Variants in SIN3A observed in about 807,000 individuals in gnomAD.
SIN3A encodes the protein SIN3 transcription regulator family member A.
SIN3A carries 14 observed loss-of-function variants against 146.1 expected under a neutral mutation model. That is an observed-to-expected ratio of 0.10 (90% confidence interval 0.06 to 0.15). SIN3A has a LOEUF of 0.15. SIN3A is among the 10% of genes least tolerant of loss of function. The pLI, the probability that SIN3A is intolerant of heterozygous loss-of-function variation, is 1.00. For synonymous variants in SIN3A, 572 were observed against 572.0 expected (o/e 1.00, Z 0.00); for missense variants, 1,028 against 1,576.0 (o/e 0.65, Z 5.89).
At chr15:75,394,469 T>G (rs2073266800) in intron 14 of SIN3A, among the ~76,000 whole-genome samples, 1 of 152,126 alleles carries the variant, frequency 6.6e-6, no homozygotes, top group Non-Finnish European at 1.5e-5. Context: ...GACAGTAAAC[T>G]AGGAAACTAG....
chr15:75,435,398 A>C (rs936211237), intron 1 of SIN3A, among the ~76,000 whole-genome samples: 5 of 152,218 alleles, frequency 3.3e-5, no homozygotes, highest in Non-Finnish European at 5.9e-5. Context: ...AGACATATTA[A>C]GTGAAAACAG....
intron 3 of SIN3A, among the ~76,000 whole-genome samples, chr15:75,418,923 T>C (rs1015893372): frequency 1.1e-4 from 16 of 151,970 alleles, no homozygotes; most frequent in African/African-American, 3.9e-4. Flanking sequence ...GCCGGCTAAT[T>C]TTTTTTTCTA....
chr15:75,435,962 CA>C (rs2074100737), intron 1 of SIN3A, among the ~76,000 whole-genome samples: 1 of 148,444 alleles, frequency 6.7e-6, no homozygotes, highest in African/African-American at 2.5e-5. Context: ...CCTGTCTCTA[CA>C]AAATAAAGAA....
chr15:75,430,429 A>T lies in SIN3A; in HGVS notation c.-33-21T>A, dbSNP rs547751217. 72 of 1,535,338 alleles carry T rather than the reference A, an allele frequency of 4.7e-5. No individual in the cohort carries two copies. In the African/African-American group the frequency reaches 8.8e-4, roughly 19 times the overall value. ...AAAACCTGCAGAAACCAAAAGCAATAGCATGCAAGTCAATTCTCACTCCAG... is the reference window on the plus strand; with the variant it reads ...AAAACCTGCAGAAACCAAAAGCAATTGCATGCAAGTCAATTCTCACTCCAG... On this transcript the variant is annotated intron_variant, in intron 1 of 20. Transcript: ENST00000394947.
At position 75,371,480 on chromosome 15, in the gene SIN3A, A is replaced by G. The variant is rs2072750563; in HGVS notation, c.*499T>C. The G allele has an allele frequency of 1.3e-5, 2 of 151,710 alleles. No homozygotes were observed. The highest frequency in any genetic ancestry group is 2.4e-5 in the African/African-American group (1 of 41,042). 9.4% of individuals were successfully genotyped at this position (151,710 alleles called of 1,614,324 possible). On this transcript the variant is annotated 3_prime_UTR_variant, in exon 21 of 21. Transcript: ENST00000394947. ...ATCTTAGATGTGCTCGAGTGACCAG[A>G]AAAAAAAAATCAAATCCAGCTTTTT... is the stretch of plus-strand genomic sequence containing the variant.
chr15:75,415,951 C>T lies in SIN3A; in HGVS notation c.367-1640G>A, dbSNP rs543761782. The T allele has an allele frequency of 1.2e-5, 4 of 328,984 alleles. No individual in the cohort carries two copies. The South Asian group carries it at 1.3e-4, about 10-fold the overall frequency. 20.4% of individuals were successfully genotyped at this position (328,984 alleles called of 1,614,324 possible). On this transcript the variant is annotated intron_variant, in intron 3 of 20. Transcript: ENST00000394947. ...CTGACACTGGCAGGGAGGGGAATAA[C>T]CTTGCAGGAAATGGAGATGCCAAAA...
chr15:75,386,422 G>A (rs2073080980), intron 16 of SIN3A, among the ~76,000 whole-genome samples: 1 of 152,226 alleles, frequency 6.6e-6, no homozygotes, highest in South Asian at 2.1e-4. Context: ...AGAAAAGACA[G>A]CACTACAAAT....
chr15:75,442,617 T>TAAA (rs374599694), intron 1 of SIN3A, among the ~76,000 whole-genome samples: 2 of 123,118 alleles, frequency 1.6e-5, no homozygotes, highest in African/African-American at 3.1e-5. Context: ...ATCCCATCTT[T>TAAA]AAAAAAAAAA....
At chr15:75,431,954 C>T (rs940495381) in intron 1 of SIN3A, among the ~76,000 whole-genome samples, 17 of 152,196 alleles carry the variant, frequency 1.1e-4, no homozygotes, top group African/African-American at 4.1e-4. Flanking sequence ...CACAAATATG[C>T]TCTCTGTGGC....
At position 75,419,656 on chromosome 15, in the gene SIN3A, TA is replaced by T. The variant is rs58439134; in HGVS notation, c.366+2990del. 1,217 of 136,106 alleles carry T rather than the reference TA, an allele frequency of 8.9e-3. 1 individual carries two copies. Among genetic ancestry groups the T allele is most frequent in the African/African-American group, 0.015 (553 of 37,344 alleles). The allele number at this position is 136,106 out of a possible 1,614,324, so 8.4% of individuals were successfully genotyped here. A position where few individuals can be genotyped will look rare whatever the true frequency, so the allele number is the denominator to read the frequency against. On this transcript the variant is annotated intron_variant, in intron 3 of 20. Coordinates refer to ENST00000394947, the MANE Select transcript of SIN3A (RefSeq NM_001145358.2). ...CTAACATGGAAAAACCCCGTCCTAGTAAAAAAAAAAAAAAATACAAAAATTA... is the reference window on the plus strand; with the variant it reads ...CTAACATGGAAAAACCCCGTCCTAGTAAAAAAAAAAAAAATACAAAAATTA...
intron 12 of SIN3A, among the ~76,000 whole-genome samples, chr15:75,398,146 C>T (rs1441264928): frequency 6.6e-6 from 1 of 152,190 alleles, no homozygotes; most frequent in Non-Finnish European, 1.5e-5. Context: ...TACCTATCCA[C>T]ACAAGTAAGC....
At chr15:75,454,722 A>C (rs377637672), upstream of SIN3A, among the ~76,000 whole-genome samples, 106 of 151,084 alleles carry the variant, frequency 7.0e-4, no homozygotes, top group East Asian at 0.014. Flanking sequence ...AGCGGTCCGC[A>C]GCAGCACCTC....
chr15:75,400,244 C>T, intron 11 of SIN3A, 88 bp from the exon 12 acceptor site: 1 of 730,628 alleles, frequency 1.4e-6, no homozygotes, highest in Non-Finnish European at 2.4e-6. Context: ...AAAACTCTAG[C>T]AGAGAAATAG....
chr15:75,414,420 A>C, intron 3 of SIN3A, 109 bp from the exon 4 acceptor site: 1 of 442,940 alleles, frequency 2.3e-6, no homozygotes, highest in East Asian at 3.4e-5. Flanking sequence ...GCAGTAAATG[A>C]AGTAAAAATA....
At chr15:75,402,024 C>A in intron 9 of SIN3A, 54 bp from the exon 10 acceptor site, 1 of 1,122,140 alleles carries the variant, frequency 8.9e-7, no homozygotes, top group Non-Finnish European at 1.3e-6. Flanking sequence ...AAGTGGGGAA[C>A]TGAAAAGGGC....
At chr15:75,389,885 G>C (rs1249113278) in intron 15 of SIN3A, 64 bp from the exon 16 acceptor site, 2 of 1,512,094 alleles carry the variant, frequency 1.3e-6, no homozygotes, top group African/African-American at 1.4e-5. Flanking sequence ...ATAGAGTACA[G>C]GGCAAATCCC....
At chr15:75,400,648 A>G (rs2073394265) in intron 11 of SIN3A, 82 bp downstream of exon 11, 2 of 935,084 alleles carry the variant, frequency 2.1e-6, no homozygotes, top group African/African-American at 3.3e-5. Context: ...TCATTCATAT[A>G]AATTCTCAAT....
chr15:75,381,086 TAAAA>T (rs11342034), intron 18 of SIN3A: 52 of 111,470 alleles, frequency 4.7e-4, no homozygotes, highest in South Asian at 1.7e-3. Context: ...TGACATCGCT[TAAAA>T]AAAAAAAAAA....
At chr15:75,427,465 G>A (rs1182960223) in intron 2 of SIN3A, among the ~76,000 whole-genome samples, 2 of 152,106 alleles carry the variant, frequency 1.3e-5, no homozygotes, top group African/African-American at 4.8e-5. Context: ...GTCAAGACCA[G>A]CCTGGCCAGC....
Sources: allele counts gnomAD v4.1 joint callset (sites outside exome capture counted in the v4.1 genomes callset), GRCh38; gene constraint gnomAD v4.1.1; transcripts MANE v1.5; gene names NCBI Gene and HGNC (gene_info 2026-07-23, HGNC 2026-07-21).